DALRD3: variants seen among roughly 807,000 people sequenced by gnomAD.
DALRD3 encodes DALR anticodon binding domain containing 3.
A neutral mutation model predicts 56.7 loss-of-function variants in DALRD3; 47 were observed. The ratio of observed to expected loss-of-function variants is 0.83; its 90% CI spans 0.66 to 1.06. DALRD3 has a LOEUF of 1.06. Among genes scored for constraint, DALRD3 ranks in the 50% least tolerant of loss-of-function variants. The probability of loss-of-function intolerance (pLI) is 0.00; values close to 1 mark genes in which losing one functional copy is unlikely to be tolerated. For missense variants in DALRD3, 787 were observed against 724.0 expected, an observed-to-expected ratio of 1.09 and a Z score of -1.00; for synonymous variants, 347 against 308.5, an observed-to-expected ratio of 1.12 and a Z score of -1.31.
Position 49,016,277 on chromosome 3 carries a change from T to A in DALRD3, c.1210A>T (p.Met404Leu). The change falls in exon 9 of 12, where the codon ATG (methionine) becomes TTG (leucine). Residue 404 changes from methionine (M) to leucine (L), a missense_variant. Coordinates refer to ENST00000341949, the MANE Select transcript of DALRD3 (RefSeq NM_001009996.3). ...TKGTKSGTFV[M>L]YNCARLATLF... is the part of the protein sequence containing the mutation. ...GTGGCAAGACGGGCACAATTATACA[T>A]GACAAAGGTGCCACTCTTTGTGCCC... 2 of 1,613,798 alleles carry A rather than the reference T, an allele frequency of 1.2e-6. No individual in the cohort carries two copies. Among genetic ancestry groups the A allele is most frequent in the Non-Finnish European group, 1.7e-6 (2 of 1,179,756 alleles).
In DALRD3 at chr3:49,018,517, G is replaced by C. The variant is rs1446018942; in HGVS notation, c.48C>G (p.Asn16Lys). 1.3e-6 allele frequency: 2 copies of C among 1,585,534 alleles called. No individual in the cohort carries two copies. Among genetic ancestry groups the C allele is most frequent in the African/African-American group, 1.3e-5 (1 of 74,272 alleles). The change falls in exon 1 of 12, where the codon AAC (asparagine) becomes AAG (lysine). Residue 16 changes from asparagine to lysine, a missense_variant. Transcript: ENST00000341949. ...CCGGACCGCCTGGCCCCAGGGCCGC[G>C]TTGAGGGCCCCCAGCGTCTCCCCGA... is the stretch of plus-strand genomic sequence containing the variant. ...LGVGETLGAL[N>K]AALGPGGPVW...
At chr3:49,019,578 C>T (rs769544700), upstream of DALRD3, among the ~76,000 whole-genome samples, 1 of 150,624 alleles carries the variant, frequency 6.6e-6, no homozygotes, top group Non-Finnish European at 1.5e-5. Context: ...CTCCCGGGTT[C>T]AAGTGATTAT....
chr3:49,016,333 AG>A lies in DALRD3; in HGVS notation c.1153del (p.Leu385TrpfsTer48). The A allele has an allele frequency of 6.8e-6, 11 of 1,607,484 alleles. No homozygotes were observed. Among genetic ancestry groups the A allele is most frequent in the African/African-American group, 1.3e-5 (1 of 74,956 alleles). The stretch of plus-strand genomic sequence containing the variant: ...GGAGATACTGCTGTCAGCCAGAGCC[AG>A]GAAGAGCTGGGGAATAGAAGCACAG... ...LSTAPQSQLF[L>X]ALADSSISTK... On this transcript the variant is annotated frameshift_variant, in exon 9 of 12. Transcript: ENST00000341949. LOFTEE classifies it high-confidence loss of function.
chr3:49,018,094 G>C lies in DALRD3; in HGVS notation c.390C>G (p.Cys130Trp). The change falls in exon 2 of 12, where the codon TGC becomes TGG. Residue 130 changes from cysteine to tryptophan, a missense_variant. Transcript: ENST00000341949. ...TACGCAGCTGGCTCAAGCGGAGTGC[G>C]CAGGGGGAGCTGCGCAGTGCTGGGC... ...LHCPALRSSP[C>W]ALRLSQLRTV... 3 of 1,487,212 alleles carry C rather than the reference G, an allele frequency of 2.0e-6. No individual in the cohort carries two copies. The highest frequency in any genetic ancestry group is 2.7e-6 in the Non-Finnish European group (3 of 1,127,648). The allele number at this position is 1,487,212 out of a possible 1,614,324, so 92.1% of individuals were successfully genotyped here.
intron 3 of DALRD3, 42 bp downstream of exon 3, chr3:49,017,571 C>G: frequency 6.2e-7 from 1 of 1,614,032 alleles, no homozygotes; most frequent in Non-Finnish European, 8.5e-7. Flanking sequence ...TGCCCCTAAC[C>G]CCCTCCTGCC....
chr3:49,021,349 A>AGACGGGG (rs1169621800), upstream of DALRD3: 9 of 152,534 alleles, frequency 5.9e-5, no homozygotes, highest in South Asian at 1.4e-3. This position sits in a 1 kb window ranked among gnomAD's most constrained non-coding sequence, Gnocchi z 4.1. Flanking sequence ...ACTTGGATCA[A>AGACGGGG]GACGGGGGAC....
rs1287674504 is a variant in DALRD3 at position 49,018,568 on chromosome 3, G to A, written c.-4C>T. 6.4e-7 allele frequency: 1 copy of A among 1,567,628 alleles called. No individual in the cohort carries two copies. Among genetic ancestry groups the A allele is most frequent in the African/African-American group, 1.4e-5 (1 of 72,816 alleles). On this transcript the variant is annotated 5_prime_UTR_variant, in exon 1 of 12. Coordinates refer to ENST00000341949, the MANE Select transcript of DALRD3 (RefSeq NM_001009996.3). ...CCCCAAGGCGCCTGGTCGCCATGGT[G>A]ACCGGAAGGAGTAAGCGGAACCGGA...
chr3:49,020,798 C>T (rs547121872), upstream of DALRD3: 114 of 395,538 alleles, frequency 2.9e-4, no homozygotes, highest in African/African-American at 1.9e-3. Flanking sequence ...AGGAGGAAGA[C>T]CCGGGAGTAG....
chr3:49,016,011 T>G lies in DALRD3; in HGVS notation c.1405A>C (p.Thr469Pro), dbSNP rs966690564. 1.2e-6 allele frequency: 2 copies of G among 1,609,492 alleles called. No individual in the cohort carries two copies. Among genetic ancestry groups the G allele is most frequent in the Non-Finnish European group, 1.7e-6 (2 of 1,176,992 alleles). Residue 469 changes from threonine to proline, a missense_variant, in exon 10 of 12, where the codon ACA (threonine) becomes CCA (proline). Thr to Pro is a conservative substitution (Grantham distance 38). Transcript: ENST00000341949. Reference sequence around the variant, plus strand: ...ACAGCAATGTGGAGCCCCGGGGCTGTGCAGTCCAGCACTGCTGTCCGGCTC... The same window carrying G: ...ACAGCAATGTGGAGCCCCGGGGCTGGGCAGTCCAGCACTGCTGTCCGGCTC... ...LLSRTAVLDC[T>P]APGLHIAVRT...
upstream of DALRD3, chr3:49,018,680 G>T (rs575172496): frequency 7.0e-7 from 1 of 1,423,314 alleles, no homozygotes; most frequent in Admixed American, 3.0e-5. Flanking sequence ...GGACAGGTGC[G>T]CCAGTGGTAG....
Position 49,018,470 on chromosome 3 carries a change from GT to G in DALRD3, c.94del (p.Thr32ProfsTer103). 6.3e-7 allele frequency: 1 copy of G among 1,588,900 alleles called. No individual in the cohort carries two copies. Among genetic ancestry groups the G allele is most frequent in the Non-Finnish European group, 8.6e-7 (1 of 1,167,882 alleles). On this transcript the variant is annotated frameshift_variant, in exon 1 of 12. Transcript: ENST00000341949. LOFTEE classifies it high-confidence loss of function. Reference protein sequence around the residue: ...GGPVWIKETRTRHLRSRDFLA... With the variant: ...GGPVWIKETRXRHLRSRDFLA... ...AAAGTCTCGGGAACGCAGGTGGCGGGTGCGCGTCTCCTTGATCCACACCGGA... is the reference window on the plus strand; with the variant it reads ...AAAGTCTCGGGAACGCAGGTGGCGGGGCGCGTCTCCTTGATCCACACCGGA...
intron 4 of DALRD3, 23 bp downstream of exon 4, chr3:49,017,411 C>T (rs780443772): frequency 6.2e-7 from 1 of 1,614,140 alleles, no homozygotes; most frequent in Non-Finnish European, 8.5e-7. Context: ...TTGGGAGAAC[C>T]TACAGGGCTG....
chr3:49,018,646 G>A (rs991905099), upstream of DALRD3: 48 of 1,446,864 alleles, frequency 3.3e-5, 1 homozygote, highest in Middle Eastern at 1.9e-4. Flanking sequence ...CTGGGGCGGG[G>A]ATGCGGCGGT....
chr3:49,019,479 C>CTT (rs938684705), upstream of DALRD3, among the ~76,000 whole-genome samples: 14 of 134,654 alleles, frequency 1.0e-4, no homozygotes, highest in East Asian at 6.5e-4. Flanking sequence ...AATTACCAGA[C>CTT]TTTTTTTTTT....
At position 49,015,558 on chromosome 3, in the gene DALRD3, A is replaced by G; in HGVS notation, c.*30T>C. 6 of 1,609,080 alleles carry G rather than the reference A, an allele frequency of 3.7e-6. No individual in the cohort carries two copies. Among genetic ancestry groups the G allele is most frequent in the African/African-American group, 1.3e-5 (1 of 74,712 alleles). ...TTTTTTCCAGTTGATGACTTTGTGA[A>G]CATTCCCAGGTATTGGAGCCTCTGT... On this transcript the variant is annotated 3_prime_UTR_variant, in exon 12 of 12. Transcript: ENST00000341949.
chr3:49,017,538 G>A (rs1364451759), intron 3 of DALRD3, 25 bp from the exon 4 acceptor site: 9 of 1,614,176 alleles, frequency 5.6e-6, no homozygotes, highest in Non-Finnish European at 6.8e-6. Flanking sequence ...GACAGGTGCT[G>A]AGACTGACAA....
Position 49,016,288 on chromosome 3 carries a change from C to T in DALRD3, c.1199G>A (p.Gly400Asp), listed in dbSNP as rs774394023. The T allele has an allele frequency of 6.8e-6, 11 of 1,613,004 alleles. No homozygotes were observed. The highest frequency in any genetic ancestry group is 8.5e-6 in the Non-Finnish European group (10 of 1,179,290). Reference protein sequence around the residue: ...SSISTKGTKSGTFVMYNCARL... With the variant: ...SSISTKGTKSDTFVMYNCARL... Reference sequence around the variant, plus strand: ...GGCACAATTATACATGACAAAGGTGCCACTCTTTGTGCCCTTCGTGGAGAT... The same window carrying T: ...GGCACAATTATACATGACAAAGGTGTCACTCTTTGTGCCCTTCGTGGAGAT... The change falls in exon 9 of 12, where the codon GGC becomes GAC. Residue 400 changes from glycine to aspartate, a missense_variant. Transcript: ENST00000341949.
chr3:49,015,745 T>G, intron 11 of DALRD3, 38 bp from the exon 12 acceptor site: 1 of 1,614,078 alleles, frequency 6.2e-7, no homozygotes, highest in South Asian at 1.1e-5. Context: ...ATCCTCTGCT[T>G]CCTTTGCCTT....
Position 49,015,982 on chromosome 3 carries a change from G to A in DALRD3, c.1434C>T (p.Arg478=). Residue 478 remains arginine (R), a synonymous_variant, in exon 10 of 12, where the codon CGC becomes CGT. Transcript: ENST00000341949. ...GTTGTCTATGCCTCACCATCTCTGTGCGTACAGCAATGTGGAGCCCCGGGG... is the reference window on the plus strand; with the variant it reads ...GTTGTCTATGCCTCACCATCTCTGTACGTACAGCAATGTGGAGCCCCGGGG... The part of the protein sequence containing the change: ...CTAPGLHIAV[R]TEMICKFLVQ... 6.2e-7 allele frequency: 1 copy of A among 1,613,650 alleles called. No homozygotes were observed. The highest frequency in any genetic ancestry group is 8.5e-7 in the Non-Finnish European group (1 of 1,179,650).
Sources: allele counts gnomAD v4.1 joint callset (sites outside exome capture counted in the v4.1 genomes callset), GRCh38; gene constraint gnomAD v4.1.1; non-coding constraint Gnocchi (gnomAD v3.1); transcripts MANE v1.5; gene names NCBI Gene and HGNC (gene_info 2026-07-23, HGNC 2026-07-21).